Variants in UBR1 observed in about 807,000 individuals in gnomAD.
UBR1 encodes the protein ubiquitin protein ligase E3 component n-recognin 1, also known as E3 ubiquitin-protein ligase UBR1.
In UBR1, 102 loss-of-function variants were observed where a neutral mutation model predicts 242.1. That is an observed-to-expected ratio of 0.42 (90% CI 0.36 to 0.50). UBR1 has a LOEUF of 0.50. UBR1 is among the 20% of genes least tolerant of loss of function. UBR1 has a pLI of 0.01. For missense variants in UBR1, 1,772 were observed against 2,101.8 expected (o/e 0.84, Z 3.07); for synonymous variants, 675 against 684.8 (o/e 0.99, Z 0.22).
intron 44 of UBR1, among the ~76,000 whole-genome samples, chr15:42,956,692 A>G (rs778072747): frequency 1.3e-5 from 2 of 152,210 alleles, no homozygotes; most frequent in Non-Finnish European, 2.9e-5. Flanking sequence ...AATGCTTAAT[A>G]AAGGAAGAAG....
At chr15:43,101,958 C>A (rs1158473251) in intron 1 of UBR1, among the ~76,000 whole-genome samples, 3 of 121,184 alleles carry the variant, frequency 2.5e-5, no homozygotes, top group East Asian at 2.3e-4. Flanking sequence ...CAGAGAGAGA[C>A]CTTGGCTCAC....
At chr15:43,066,528 A>G (rs2033754243) in intron 6 of UBR1, among the ~76,000 whole-genome samples, 1 of 152,184 alleles carries the variant, frequency 6.6e-6, no homozygotes, top group South Asian at 2.1e-4. Context: ...TGGGAATAAC[A>G]TTGAACCTAA....
At chr15:43,032,771 C>T in intron 19 of UBR1, 140 bp from the exon 20 acceptor site, 1 of 558,398 alleles carries the variant, frequency 1.8e-6, no homozygotes, top group East Asian at 3.0e-5. Context: ...GTGTGCACAG[C>T]ACAAATAGTT....
At chr15:42,964,297 C>T (rs2032070932) in intron 41 of UBR1, among the ~76,000 whole-genome samples, 1 of 152,000 alleles carries the variant, frequency 6.6e-6, no homozygotes, top group African/African-American at 2.4e-5. Flanking sequence ...TGGAGAAACC[C>T]CATCTCTACT....
At chr15:43,044,739 AAAC>A (rs2033462518) in intron 14 of UBR1, among the ~76,000 whole-genome samples, 1 of 152,076 alleles carries the variant, frequency 6.6e-6, no homozygotes, top group Non-Finnish European at 1.5e-5. Flanking sequence ...AAAAAATACA[AAAC>A]AAATTAGCCG....
chr15:43,073,407 T>C (rs997509522), intron 4 of UBR1, among the ~76,000 whole-genome samples: 17 of 152,216 alleles, frequency 1.1e-4, no homozygotes, highest in African/African-American at 3.9e-4. Context: ...TTCCTTATGG[T>C]TGACAAAATG....
intron 10 of UBR1, among the ~76,000 whole-genome samples, chr15:43,056,751 T>C (rs1483973045): frequency 6.6e-6 from 1 of 152,098 alleles, no homozygotes; most frequent in Non-Finnish European, 1.5e-5. Flanking sequence ...GTATAGTTTA[T>C]CCTTTCTCCA....
chr15:42,950,323 T>A lies in UBR1; in HGVS notation c.5047A>T (p.Arg1683Ter). 1 of 1,614,200 alleles carries A rather than the reference T, an allele frequency of 6.2e-7. No individual in the cohort carries two copies. Among genetic ancestry groups the A allele is most frequent in the Non-Finnish European group, 8.5e-7 (1 of 1,180,036 alleles). The stretch of plus-strand genomic sequence containing the variant: ...TAAGGAGCTGGATAGGCACAGCCTC[T>A]GGCTTTACCTTCAACCAGGACCACT... Reference protein sequence around the residue: ...CRVVLVEGKARGCAYPAPYLD... With the variant: ...CRVVLVEGKA Residue 1683 changes from arginine to a stop codon, truncating the protein, a stop_gained, in exon 46 of 47, where the codon AGA becomes TGA. Coordinates refer to ENST00000290650, the MANE Select transcript of UBR1 (RefSeq NM_174916.3). LOFTEE classifies it high-confidence loss of function.
At chr15:43,078,381 TCAC>T (rs1217514084) in intron 3 of UBR1, among the ~76,000 whole-genome samples, 1 of 151,928 alleles carries the variant, frequency 6.6e-6, no homozygotes, top group Admixed American at 6.6e-5. Flanking sequence ...TCCCTTCACA[TCAC>T]CACCACTAAT....
chr15:42,964,467 C>A (rs2032073785), intron 41 of UBR1, among the ~76,000 whole-genome samples: 1 of 151,642 alleles, frequency 6.6e-6, no homozygotes, highest in African/African-American at 2.4e-5. Context: ...GAAACTCCGT[C>A]TCAAAAAAAA....
intron 13 of UBR1, 143 bp from the exon 14 acceptor site, chr15:43,047,432 C>G (rs1487580566): frequency 2.3e-5 from 29 of 1,241,116 alleles, no homozygotes; most frequent in Non-Finnish European, 5.8e-6. Context: ...CAATTCCCAG[C>G]TCTCAGGTAT....
intron 11 of UBR1, among the ~76,000 whole-genome samples, chr15:43,055,740 C>A (rs1482020727): frequency 6.6e-6 from 1 of 152,072 alleles, no homozygotes; most frequent in Non-Finnish European, 1.5e-5. Context: ...CATGGTGAAA[C>A]CCCGTCTCTA....
At chr15:43,017,043 CAA>C (rs1831289226) in intron 28 of UBR1, 50 bp downstream of exon 28, 4 of 1,470,950 alleles carry the variant, frequency 2.7e-6, no homozygotes, top group Non-Finnish European at 2.9e-6. Context: ...CAGTAAAGTT[CAA>C]AGACAGAGAT....
chr15:43,057,911 C>CT (rs758431765), intron 10 of UBR1, among the ~76,000 whole-genome samples: 408 of 142,722 alleles, frequency 2.9e-3, no homozygotes, highest in African/African-American at 5.4e-3. Flanking sequence ...TGAGAACGAA[C>CT]TTTTTTTTTT....
chr15:43,104,270 T>G (rs2141375489), intron 1 of UBR1, among the ~76,000 whole-genome samples: 1 of 152,242 alleles, frequency 6.6e-6, no homozygotes, highest in East Asian at 1.9e-4. Flanking sequence ...AATGATGGGG[T>G]TTTATTGTAT....
chr15:43,057,798 T>C (rs755179698), intron 10 of UBR1, among the ~76,000 whole-genome samples: 2 of 152,178 alleles, frequency 1.3e-5, no homozygotes, highest in Non-Finnish European at 2.9e-5. Flanking sequence ...TGTGATAACC[T>C]CCCTTTGCTC....
chr15:42,967,513 T>C (rs1244390587), intron 40 of UBR1, among the ~76,000 whole-genome samples: 1 of 151,950 alleles, frequency 6.6e-6, no homozygotes, highest in African/African-American at 2.4e-5. Context: ...AAAACAAAAT[T>C]AATAATTTCC....
chr15:43,024,699 G>T, intron 25 of UBR1, 130 bp downstream of exon 25: 1 of 1,294,428 alleles, frequency 7.7e-7, no homozygotes, highest in Non-Finnish European at 1.1e-6. Context: ...CTGTGTGTAA[G>T]CTATTTTTAA....
In UBR1 at chr15:43,086,166, A is replaced by G; in HGVS notation, c.156T>C (p.Phe52=). ...TTTCCAAGTCTGGGTCCATTTCAGC[A>G]AAGTAAATTTCTGGCACCAATTGTG... ...HLAQLVPEIY[F]AEMDPDLEKQ... Residue 52 remains phenylalanine (F), a synonymous_variant, in exon 2 of 47, where the codon TTT becomes TTC. Transcript: ENST00000290650. 2.5e-6 allele frequency: 4 copies of G among 1,614,122 alleles called. No individual in the cohort carries two copies. The highest frequency in any genetic ancestry group is 1.1e-5 in the South Asian group (1 of 91,086).
Sources: gnomAD v4.1 joint callset for allele counts (sites outside exome capture counted in the v4.1 genomes callset) on GRCh38, gnomAD v4.1.1 for gene constraint, MANE v1.5 for transcripts, NCBI Gene and HGNC (gene_info 2026-07-23, HGNC 2026-07-21) for gene names.